The following MYOM1 variants were observed in gnomAD, a reference collection of about 807,000 sequenced individuals.
MYOM1 encodes the protein myomesin 1.
Under a neutral mutation model 205.3 loss-of-function variants are expected in MYOM1, and 164 were observed. The observed-to-expected ratio is 0.80, with a 90% CI of 0.70 to 0.91. The LOEUF is 0.91. Ranked by LOEUF, MYOM1 falls within the 40% of genes least tolerant of loss-of-function variation. MYOM1 has a pLI of 0.00. For synonymous variants in MYOM1, 772 were observed against 789.4 expected, an observed-to-expected ratio of 0.98 and a Z score of 0.37; for missense variants, 2,011 against 2,127.3, an observed-to-expected ratio of 0.95 and a Z score of 1.08.
intron 22 of MYOM1, among the ~76,000 whole-genome samples, chr18:3,110,688 A>T (rs1225031860): frequency 6.6e-6 from 1 of 152,136 alleles, no homozygotes; most frequent in Non-Finnish European, 1.5e-5. Flanking sequence ...GTAAACAAAC[A>T]AACAGCAATA....
At position 3,072,024 on chromosome 18, in the gene MYOM1, C is replaced by CA. The variant is rs1330150892; in HGVS notation, c.4709-136dup. The CA allele has an allele frequency of 3.2e-4, 237 of 742,592 alleles. 10 individuals carry two copies. The South Asian group carries it at 3.8e-3, about 12-fold the overall frequency. 46.0% of individuals were successfully genotyped at this position (742,592 alleles called of 1,614,324 possible). A position where few individuals can be genotyped will look rare whatever the true frequency, so the allele number is the denominator to read the frequency against. On this transcript the variant is annotated intron_variant, in intron 36 of 37. Coordinates refer to ENST00000356443, the MANE Select transcript of MYOM1 (RefSeq NM_003803.4). ...GTTCTTTTATACAGTTTTCAACATG[C>CA]AAAAAAAGAAAATGATCCAGGGATT...
At chr18:3,181,379 TAAGTA>T (rs1341889414) in intron 5 of MYOM1, among the ~76,000 whole-genome samples, 1 of 152,186 alleles carries the variant, frequency 6.6e-6, no homozygotes, top group Non-Finnish European at 1.5e-5. Context: ...ATTTTGGAAT[TAAGTA>T]AATAAGAAAA....
chr18:3,220,639 G>GTT (rs1448972709), upstream of MYOM1, among the ~76,000 whole-genome samples: 2 of 152,200 alleles, frequency 1.3e-5, no homozygotes, highest in Non-Finnish European at 2.9e-5. Flanking sequence ...AAGAGGAGGT[G>GTT]TAACCCGGTT....
intron 18 of MYOM1, among the ~76,000 whole-genome samples, chr18:3,127,220 T>C (rs1319816362): frequency 6.7e-6 from 1 of 149,334 alleles, no homozygotes; most frequent in Non-Finnish European, 1.5e-5. Context: ...TTTTCATTTG[T>C]TCCCTGATGA....
chr18:3,101,608 A>T (rs2079376940), intron 23 of MYOM1, among the ~76,000 whole-genome samples: 1 of 152,148 alleles, frequency 6.6e-6, no homozygotes. Context: ...ATGAGTGATG[A>T]TCAAAAAAGC....
At chr18:3,113,671 T>C (rs9652945) in intron 21 of MYOM1, among the ~76,000 whole-genome samples, 132,535 of 151,920 alleles carry the variant, frequency 0.87, 58,332 homozygotes, top group East Asian at 0.97. Context: ...GGGTTTTGAA[T>C]AATCTCATTA....
intron 2 of MYOM1, among the ~76,000 whole-genome samples, chr18:3,210,149 G>C (rs1567970120): frequency 6.6e-6 from 1 of 152,196 alleles, no homozygotes; most frequent in Non-Finnish European, 1.5e-5. Context: ...GCTGAGGTTA[G>C]GACACAAAAG....
intron 10 of MYOM1, among the ~76,000 whole-genome samples, chr18:3,161,996 C>T (rs1445401756): frequency 6.6e-6 from 1 of 152,146 alleles, no homozygotes; most frequent in Admixed American, 6.5e-5. Context: ...TATTGAAATA[C>T]AGTTCTAATC....
intron 17 of MYOM1, 129 bp downstream of exon 17, chr18:3,131,246 A>G: frequency 9.6e-7 from 1 of 1,043,010 alleles, no homozygotes. Flanking sequence ...AGTCAGAGAA[A>G]ATGATCATCT....
At chr18:3,148,304 C>A (rs1477691391) in intron 13 of MYOM1, among the ~76,000 whole-genome samples, 3 of 152,182 alleles carry the variant, frequency 2.0e-5, no homozygotes, top group Non-Finnish European at 4.4e-5. Flanking sequence ...AAGCTTTCAA[C>A]AGTGAATGGA....
At chr18:3,227,028 C>T in the MYOM1 span, among the ~76,000 whole-genome samples, 1 of 152,188 alleles carries the variant, frequency 6.6e-6, no homozygotes, top group African/African-American at 2.4e-5. Flanking sequence ...ACGCATAGTC[C>T]AGGCCAGGGA....
At chr18:3,100,076 A>T in intron 25 of MYOM1, 83 bp downstream of exon 25, 2 of 1,369,230 alleles carry the variant, frequency 1.5e-6, no homozygotes, top group East Asian at 4.6e-5. Context: ...TCTTAATCCC[A>T]TCAGAGCTGT....
chr18:3,112,052 G>A (rs931181667), intron 22 of MYOM1, among the ~76,000 whole-genome samples: 1 of 152,136 alleles, frequency 6.6e-6, no homozygotes, highest in African/African-American at 2.4e-5. Flanking sequence ...ACTTGATCAA[G>A]AACTTCCGGG....
chr18:3,076,285 C>A lies in MYOM1; in HGVS notation c.4649-524G>T, dbSNP rs148025690. 1.6e-4 allele frequency among the ~76,000 whole-genome samples: 25 copies of A among 152,226 alleles called. No homozygotes were observed. In the East Asian group the frequency reaches 4.8e-3, roughly 29 times the overall value. Reference sequence around the variant, plus strand: ...GTTTCACCATTTTGGGCAGGGTGGTCTCAAACTCCTGACCTTAAGTGATTT... The same window carrying A: ...GTTTCACCATTTTGGGCAGGGTGGTATCAAACTCCTGACCTTAAGTGATTT... On this transcript the variant is annotated intron_variant, in intron 34 of 37. Transcript: ENST00000356443.
Position 3,094,252 on chromosome 18 carries a change from C to T in MYOM1, c.3782G>A (p.Arg1261Gln), listed in dbSNP as rs374656485. The part of the protein sequence containing the change: ...AVEILEKGQV[R>Q]FWMQAEKLSG... ...CAGTTTCTCAGCCTGCATCCAAAAC[C>T]GGACCTGGCCTTTCTCCAAAATTTC... The change falls in exon 26 of 38, where the codon CGG becomes CAG. Residue 1261 changes from arginine (R) to glutamine (Q), a missense_variant. Physicochemically the swap from Arg to Gln is conservative, Grantham distance 43. Transcript: ENST00000356443. The T allele has an allele frequency of 4.0e-5, 65 of 1,613,730 alleles. 1 individual carries two copies. The highest frequency in any genetic ancestry group is 3.3e-4 in the Admixed American group (20 of 59,988).
At chr18:3,218,835 A>G (rs886874271) in intron 1 of MYOM1, among the ~76,000 whole-genome samples, 1 of 152,116 alleles carries the variant, frequency 6.6e-6, no homozygotes, top group Non-Finnish European at 1.5e-5. Flanking sequence ...ATCTTGCCCC[A>G]ATACTATTTT....
chr18:3,074,418 C>T (rs1387124432), intron 36 of MYOM1, among the ~76,000 whole-genome samples: 1 of 152,216 alleles, frequency 6.6e-6, no homozygotes, highest in African/African-American at 2.4e-5. Flanking sequence ...TCCCTGTCCC[C>T]TTCACATCCA....
intron 29 of MYOM1, among the ~76,000 whole-genome samples, chr18:3,087,268 G>C (rs2079164871): frequency 6.6e-6 from 1 of 151,504 alleles, no homozygotes; most frequent in Admixed American, 6.6e-5. Context: ...GCTCTGTTTA[G>C]GCAGTTGTTA....
chr18:3,164,553 T>C, intron 9 of MYOM1, 114 bp from the exon 10 acceptor site: 2 of 1,020,524 alleles, frequency 2.0e-6, no homozygotes, highest in Admixed American at 2.9e-5. Context: ...ATTTAACTAC[T>C]AGAGGAAGTC....
Sources: allele counts gnomAD v4.1 joint callset (sites outside exome capture counted in the v4.1 genomes callset), GRCh38; gene constraint gnomAD v4.1.1; transcripts MANE v1.5; gene names NCBI Gene and HGNC (gene_info 2026-07-23, HGNC 2026-07-21).